Variants in ARL15 observed in about 807,000 individuals in gnomAD.
ARL15 encodes the protein ADP-ribosylation factor-like protein 15.
In ARL15, 19 loss-of-function variants were observed where a neutral mutation model predicts 25.2. The observed-to-expected ratio is 0.75, with a 90% CI of 0.53 to 1.10. ARL15 has a LOEUF of 1.10. ARL15 is among the 50% of genes least tolerant of loss of function. The pLI, the probability that ARL15 is intolerant of heterozygous loss-of-function variation, is 0.00. For missense variants in ARL15, 220 were observed against 246.0 expected (o/e 0.89, Z 0.71); for synonymous variants, 94 against 86.8 (o/e 1.08, Z -0.46).
intron 4 of ARL15, among the ~76,000 whole-genome samples, chr5:54,040,406 T>G (rs1223247855): frequency 1.3e-5 from 2 of 152,202 alleles, no homozygotes; most frequent in Non-Finnish European, 2.9e-5. Context: ...AACAGGATCT[T>G]GAAAATACAA....
intron 4 of ARL15, chr5:53,911,997 C>G (rs1474517834): frequency 2.0e-5 from 3 of 151,620 alleles, no homozygotes; most frequent in Non-Finnish European, 1.5e-5. Flanking sequence ...CTCTATATAC[C>G]TTACCATGTG....
At chr5:54,134,626 C>T (rs1357955867) in intron 3 of ARL15, among the ~76,000 whole-genome samples, 2 of 125,410 alleles carry the variant, frequency 1.6e-5, no homozygotes, top group African/African-American at 6.1e-5. Context: ...TGCTCTCTCG[C>T]CAGGCTGGAG....
intron 3 of ARL15, among the ~76,000 whole-genome samples, chr5:54,124,071 T>C (rs995777533): frequency 2.6e-5 from 4 of 152,188 alleles, no homozygotes; most frequent in African/African-American, 7.2e-5. Context: ...ATGTTACACC[T>C]ACTGTCTAAA....
chr5:53,937,141 C>G (rs576894644), intron 4 of ARL15, among the ~76,000 whole-genome samples: 1 of 152,136 alleles, frequency 6.6e-6, no homozygotes, highest in Non-Finnish European at 1.5e-5. Context: ...CCCGGAGGCT[C>G]GGTGTCAATG....
At chr5:53,925,201 A>T (rs1371641729) in intron 4 of ARL15, among the ~76,000 whole-genome samples, 1 of 147,152 alleles carries the variant, frequency 6.8e-6, no homozygotes, top group Non-Finnish European at 1.5e-5. Context: ...TATTTTTATA[A>T]TTTTTTTTTT....
intron 1 of ARL15, among the ~76,000 whole-genome samples, chr5:54,197,481 G>C (rs1466685180): frequency 6.6e-6 from 1 of 152,042 alleles, no homozygotes; most frequent in African/African-American, 2.4e-5. Context: ...ACTCTGTTCA[G>C]CACAGTACAT....
chr5:53,888,870 T>A (rs1007547906), intron 4 of ARL15, among the ~76,000 whole-genome samples: 5 of 152,086 alleles, frequency 3.3e-5, no homozygotes, highest in African/African-American at 1.2e-4. Context: ...AAATCAGAGA[T>A]GTTGGTCTTG....
chr5:54,142,399 TG>T (rs1753802327), intron 3 of ARL15, among the ~76,000 whole-genome samples: 1 of 152,170 alleles, frequency 6.6e-6, no homozygotes, highest in South Asian at 2.1e-4. Flanking sequence ...GCTCACAGCC[TG>T]GGGAACTAAG....
intron 1 of ARL15, among the ~76,000 whole-genome samples, chr5:54,307,160 A>T (rs1758779391): frequency 6.6e-6 from 1 of 152,180 alleles, no homozygotes; most frequent in South Asian, 2.1e-4. Context: ...TTCTAGGAAG[A>T]TTCACTCATC....
chr5:53,893,265 C>T (rs953447150), intron 4 of ARL15, among the ~76,000 whole-genome samples: 1 of 151,996 alleles, frequency 6.6e-6, no homozygotes, highest in African/African-American at 2.4e-5. Context: ...GTATTTACAC[C>T]ACAGAAACCT....
At chr5:54,083,934 G>A (rs1751878549) in intron 4 of ARL15, among the ~76,000 whole-genome samples, 1 of 152,178 alleles carries the variant, frequency 6.6e-6, no homozygotes, top group Non-Finnish European at 1.5e-5. Flanking sequence ...GAGGGGGCTG[G>A]AGAATTAATC....
At chr5:53,887,451 C>A in intron 4 of ARL15, 1 of 692,040 alleles carries the variant, frequency 1.4e-6, no homozygotes, top group South Asian at 1.5e-5. Flanking sequence ...AATAACCAGT[C>A]ACAAGTCACT....
intron 4 of ARL15, among the ~76,000 whole-genome samples, chr5:54,005,885 C>A (rs6880250): frequency 0.27 from 40,370 of 147,348 alleles, 5,799 homozygotes; most frequent in East Asian, 0.45. Flanking sequence ...CAAAAAAACC[C>A]AAAAATAGCC....
At chr5:53,892,034 A>G (rs1171601386) in intron 4 of ARL15, among the ~76,000 whole-genome samples, 1 of 152,200 alleles carries the variant, frequency 6.6e-6, no homozygotes, top group Non-Finnish European at 1.5e-5. Context: ...TGACCATAAA[A>G]GACCGTTTAA....
At chr5:54,253,193 A>T (rs1252577187) in intron 1 of ARL15, among the ~76,000 whole-genome samples, 1 of 152,206 alleles carries the variant, frequency 6.6e-6, no homozygotes, top group Admixed American at 6.5e-5. Flanking sequence ...AGCAGTCAGC[A>T]TAGCACTCAA....
At chr5:54,087,975 C>T (rs955715439) in intron 4 of ARL15, among the ~76,000 whole-genome samples, 2 of 152,250 alleles carry the variant, frequency 1.3e-5, no homozygotes, top group African/African-American at 2.4e-5. Flanking sequence ...TGTGCCCAGT[C>T]GGCTCCAAAT....
chr5:54,155,897 T>C (rs1469068811), intron 2 of ARL15, among the ~76,000 whole-genome samples: 2 of 152,158 alleles, frequency 1.3e-5, no homozygotes, highest in African/African-American at 2.4e-5. Context: ...TTTCTAGGAG[T>C]TAATGTATCA....
At chr5:53,889,303 T>C (rs1244796444) in intron 4 of ARL15, among the ~76,000 whole-genome samples, 1 of 152,220 alleles carries the variant, frequency 6.6e-6, no homozygotes, top group Non-Finnish European at 1.5e-5. Flanking sequence ...TATTTTACAA[T>C]ACCTACCAGA....
intron 1 of ARL15, among the ~76,000 whole-genome samples, chr5:54,189,705 A>T (rs990665677): frequency 1.3e-5 from 2 of 152,308 alleles, no homozygotes; most frequent in Non-Finnish European, 2.9e-5. Flanking sequence ...AAACATAGAA[A>T]GTTTTTTCTT....
Sources: gnomAD v4.1 joint callset for allele counts (sites outside exome capture counted in the v4.1 genomes callset) on GRCh38, gnomAD v4.1.1 for gene constraint, MANE v1.5 for transcripts, NCBI Gene and HGNC (gene_info 2026-07-23, HGNC 2026-07-21) for gene names.